GNB4: variants seen among roughly 807,000 people sequenced by gnomAD.
GNB4 encodes guanine nucleotide-binding protein subunit beta-4.
A neutral mutation model predicts 45.2 loss-of-function variants in GNB4; 28 were observed. That is an observed-to-expected ratio of 0.62 (90% CI 0.46 to 0.85). GNB4 has a LOEUF of 0.85. Ranked by LOEUF, GNB4 falls within the 40% of genes least tolerant of loss-of-function variation. GNB4 has a pLI of 0.00. For synonymous variants in GNB4, 132 were observed against 143.7 expected (o/e 0.92, Z 0.58); for missense variants, 321 against 425.4 (o/e 0.75, Z 2.16).
At chr3:179,415,570 A>T (rs1714774735) in intron 5 of GNB4, among the ~76,000 whole-genome samples, 1 of 151,978 alleles carries the variant, frequency 6.6e-6, no homozygotes, top group Non-Finnish European at 1.5e-5. Context: ...ATAGTTTTTT[A>T]TTGCTCTAGA....
At chr3:179,502,365 C>G in the GNB4 span, among the ~76,000 whole-genome samples, 11 of 150,312 alleles carry the variant, frequency 7.3e-5, no homozygotes, top group Admixed American at 6.0e-4. Flanking sequence ...TCCCAATTAA[C>G]TGGCATTACA....
chr3:179,404,624 CTG>C (rs1424821438), intron 9 of GNB4, among the ~76,000 whole-genome samples: 1 of 152,120 alleles, frequency 6.6e-6, no homozygotes, highest in Non-Finnish European at 1.5e-5. Flanking sequence ...GAAGCAACTG[CTG>C]TGTTTTGGTA....
the GNB4 span, among the ~76,000 whole-genome samples, chr3:179,465,801 TC>T: frequency 4.6e-3 from 129 of 27,912 alleles, no homozygotes; most frequent in East Asian, 0.042. Flanking sequence ...ATTTTTTTCT[TC>T]TTCTTCTTCT....
At chr3:179,479,433 T>A in the GNB4 span, among the ~76,000 whole-genome samples, 1 of 152,234 alleles carries the variant, frequency 6.6e-6, no homozygotes, top group Non-Finnish European at 1.5e-5. Flanking sequence ...CAATTTAACA[T>A]TTTTATGTTC....
the GNB4 span, among the ~76,000 whole-genome samples, chr3:179,477,494 AT>A: frequency 6.6e-6 from 1 of 152,144 alleles, no homozygotes; most frequent in Non-Finnish European, 1.5e-5. Flanking sequence ...CCAGTTTCCA[AT>A]ATCTTGCTCC....
the GNB4 span, among the ~76,000 whole-genome samples, chr3:179,521,060 G>GC: frequency 2.0e-5 from 3 of 152,202 alleles, no homozygotes; most frequent in East Asian, 5.8e-4. Flanking sequence ...TCGGGGATTT[G>GC]CCCCACCCAG....
the GNB4 span, among the ~76,000 whole-genome samples, chr3:179,476,535 G>T: frequency 2.0e-5 from 3 of 152,178 alleles, no homozygotes; most frequent in African/African-American, 7.2e-5. Context: ...TTGCTCTAGG[G>T]GGGACCCTCT....
chr3:179,518,100 C>T, the GNB4 span, among the ~76,000 whole-genome samples: 250 of 152,198 alleles, frequency 1.6e-3, 1 homozygote, highest in African/African-American at 5.6e-3. Flanking sequence ...AACCTTCCAC[C>T]CTCCATTCCT....
intron 8 of GNB4, among the ~76,000 whole-genome samples, chr3:179,408,862 AAGGGCC>A (rs1343190331): frequency 2.0e-5 from 3 of 151,766 alleles, no homozygotes; most frequent in African/African-American, 7.3e-5. Context: ...AAACATGAAG[AAGGGCC>A]AGGCATGGTG....
chr3:179,508,228 T>A, the GNB4 span, among the ~76,000 whole-genome samples: 1 of 152,180 alleles, frequency 6.6e-6, no homozygotes, highest in East Asian at 1.9e-4. Flanking sequence ...CTCAAGCAAT[T>A]TGCCTGCCTC....
the GNB4 span, among the ~76,000 whole-genome samples, chr3:179,524,345 G>A: frequency 5.3e-5 from 8 of 152,238 alleles, no homozygotes; most frequent in South Asian, 4.1e-4. Context: ...GAGGAATCCT[G>A]GGCTGTGGGC....
chr3:179,465,448 CAAA>C, the GNB4 span: 1 of 308,960 alleles, frequency 3.2e-6, no homozygotes, highest in Non-Finnish European at 6.1e-6. Context: ...ACTAAAAATA[CAAA>C]AAAAAAAATT....
At chr3:179,484,660 T>A in the GNB4 span, among the ~76,000 whole-genome samples, 22 of 152,046 alleles carry the variant, frequency 1.4e-4, no homozygotes, top group Non-Finnish European at 2.6e-4. Flanking sequence ...CCCTTAGGCA[T>A]AGTGCTGAAG....
the GNB4 span, among the ~76,000 whole-genome samples, chr3:179,462,910 G>C: frequency 6.6e-6 from 1 of 152,074 alleles, no homozygotes; most frequent in Non-Finnish European, 1.5e-5. Context: ...TAAGTAAAAA[G>C]ATTCTTACCA....
chr3:179,468,419 C>T, the GNB4 span, among the ~76,000 whole-genome samples: 39 of 151,636 alleles, frequency 2.6e-4, no homozygotes, highest in African/African-American at 8.2e-4. Context: ...CGCTTGAACC[C>T]GGGAGGAAGA....
At chr3:179,414,378 T>C (rs1192605059) in intron 6 of GNB4, among the ~76,000 whole-genome samples, 1 of 152,132 alleles carries the variant, frequency 6.6e-6, no homozygotes, top group African/African-American at 2.4e-5. Flanking sequence ...GGTCAAATAG[T>C]ATGGCTAAAA....
the GNB4 span, among the ~76,000 whole-genome samples, chr3:179,510,684 G>A: frequency 3.3e-5 from 5 of 151,818 alleles, no homozygotes; most frequent in Non-Finnish European, 5.9e-5. Flanking sequence ...CAGAATCCCT[G>A]AGGCAAATCT....
At chr3:179,448,668 T>C (rs1182996066) in intron 1 of GNB4, among the ~76,000 whole-genome samples, 4 of 152,228 alleles carry the variant, frequency 2.6e-5, no homozygotes, top group African/African-American at 4.8e-5. Context: ...CCTTCTGTTG[T>C]TCCCATTTAC....
chr3:179,501,248 C>A, the GNB4 span, among the ~76,000 whole-genome samples: 2 of 151,718 alleles, frequency 1.3e-5, no homozygotes, highest in African/African-American at 4.8e-5. Flanking sequence ...TAGACCTGGG[C>A]CTTGTCAGTC....
Sources: gnomAD v4.1 joint callset for allele counts (sites outside exome capture counted in the v4.1 genomes callset) on GRCh38, gnomAD v4.1.1 for gene constraint, MANE v1.5 for transcripts, NCBI Gene and HGNC (gene_info 2026-07-23, HGNC 2026-07-21) for gene names.